CTBP2: variants seen among roughly 807,000 people sequenced by gnomAD.
CTBP2 encodes the protein C-terminal-binding protein 2.
CTBP2 carries 30 observed loss-of-function variants against 80.3 expected under a neutral mutation model. That is an observed-to-expected ratio of 0.37 (90% CI 0.28 to 0.51). CTBP2 has a LOEUF of 0.51. Among genes scored for constraint, CTBP2 ranks in the 20% least tolerant of loss-of-function variants. The pLI, the probability that CTBP2 is intolerant of heterozygous loss-of-function variation, is 0.93. For missense variants in CTBP2, 1,212 were observed against 1,375.3 expected, an observed-to-expected ratio of 0.88 and a Z score of 1.88; for synonymous variants, 594 against 587.4, an observed-to-expected ratio of 1.01 and a Z score of -0.16.
upstream of CTBP2, chr10:125,032,859 A>C (rs975129937): frequency 3.2e-5 from 5 of 155,050 alleles, no homozygotes; most frequent in Non-Finnish European, 5.9e-5. Context: ...CTGAGCCCAC[A>C]TCAAAGCCCA....
chr10:125,035,466 CA>C (rs1958755429), intron 3 of CTBP2, among the ~76,000 whole-genome samples: 1 of 152,210 alleles, frequency 6.6e-6, no homozygotes, highest in African/African-American at 2.4e-5. Context: ...ACGTCTCTAA[CA>C]CATTCGAACA....
intron 3 of CTBP2, among the ~76,000 whole-genome samples, chr10:125,033,929 G>A (rs1303700051): frequency 6.6e-6 from 1 of 152,140 alleles, no homozygotes; most frequent in Non-Finnish European, 1.5e-5. Flanking sequence ...GGTAGGGGCA[G>A]GAGCTGAAAA....
upstream of CTBP2, among the ~76,000 whole-genome samples, chr10:125,029,331 T>A (rs1190304769): frequency 6.7e-6 from 1 of 148,928 alleles, no homozygotes; most frequent in African/African-American, 2.5e-5. Flanking sequence ...AGTCTCCGCC[T>A]CCTGGGTTCA....
chr10:125,097,307 C>G (rs1424271726), intron 2 of CTBP2, among the ~76,000 whole-genome samples: 1 of 152,192 alleles, frequency 6.6e-6, no homozygotes, highest in Non-Finnish European at 1.5e-5. Context: ...AATCCAATTA[C>G]AAAATTTACT....
chr10:125,006,233 T>A (rs1440639948), intron 1 of CTBP2, among the ~76,000 whole-genome samples: 2 of 144,812 alleles, frequency 1.4e-5, no homozygotes, highest in Admixed American at 7.0e-5. Flanking sequence ...AGGTCCTTCA[T>A]GGCAAGGCGG....
chr10:125,143,325 T>TA (rs1858181357), intron 1 of CTBP2, among the ~76,000 whole-genome samples: 2 of 152,116 alleles, frequency 1.3e-5, no homozygotes, highest in Admixed American at 6.5e-5. Context: ...CTGTCTCTAC[T>TA]AAAAAATACA....
chr10:125,043,402 A>G (rs1481175593), intron 2 of CTBP2, among the ~76,000 whole-genome samples: 1 of 152,186 alleles, frequency 6.6e-6, no homozygotes, highest in Non-Finnish European at 1.5e-5. Flanking sequence ...GGATCAACTC[A>G]GTTTTATAGA....
At chr10:125,122,927 T>C (rs184031194) in intron 1 of CTBP2, 2 of 152,318 alleles carry the variant, frequency 1.3e-5, no homozygotes, top group African/African-American at 2.4e-5. Flanking sequence ...ATACAACAAC[T>C]TGAATGAATC....
intron 8 of CTBP2, 57 bp from the exon 11 acceptor site, chr10:124,989,755 T>A: frequency 6.8e-7 from 1 of 1,478,744 alleles, no homozygotes; most frequent in Non-Finnish European, 9.0e-7. Context: ...GCCAAGCTCT[T>A]GGCTCTTCTA....
At chr10:125,076,390 T>C (rs1267250806) in intron 2 of CTBP2, among the ~76,000 whole-genome samples, 2 of 152,100 alleles carry the variant, frequency 1.3e-5, no homozygotes, top group African/African-American at 2.4e-5. Flanking sequence ...CTACACACCA[T>C]GGGAGGCTCA....
chr10:125,032,089 C>A (rs1386446636), upstream of CTBP2, among the ~76,000 whole-genome samples: 1 of 151,752 alleles, frequency 6.6e-6, no homozygotes, highest in African/African-American at 2.4e-5. Context: ...TTGCACTGCC[C>A]ATTTTGAAAG....
At chr10:125,068,304 T>G (rs999637797) in intron 2 of CTBP2, among the ~76,000 whole-genome samples, 1 of 152,126 alleles carries the variant, frequency 6.6e-6, no homozygotes, top group Non-Finnish European at 1.5e-5. Flanking sequence ...AATTCAGGAG[T>G]GTGAAACTTC....
Position 125,026,644 on chromosome 10 carries a change from G to A in CTBP2, c.1116C>T (p.Phe372=), listed in dbSNP as rs746431034. 2.8e-5 allele frequency: 45 copies of A among 1,585,878 alleles called. No individual in the cohort carries two copies. The South Asian group carries it at 3.4e-4, about 12-fold the overall frequency. ...CATGGAGCAGTTCGCTTCGGTGGCT[G>A]AAGCTGCTGGACCGCGCCCGGGGCA... The change falls in exon 1 of 9, where the codon TTC becomes TTT. Residue 372 remains phenylalanine, a synonymous_variant. Transcript: ENST00000309035.
chr10:125,132,754 T>C (rs956078932), intron 1 of CTBP2, among the ~76,000 whole-genome samples: 1 of 152,242 alleles, frequency 6.6e-6, no homozygotes, highest in Non-Finnish European at 1.5e-5. Flanking sequence ...CACAGCACTT[T>C]ACCAACAAAT....
chr10:125,142,187 C>T (rs918337551), intron 1 of CTBP2, among the ~76,000 whole-genome samples: 4 of 152,164 alleles, frequency 2.6e-5, no homozygotes, highest in Admixed American at 6.5e-5. Context: ...AGACACGACT[C>T]AAGACTGCAG....
At chr10:125,033,124 T>C (rs915451839) in intron 3 of CTBP2, among the ~76,000 whole-genome samples, 2 of 152,222 alleles carry the variant, frequency 1.3e-5, no homozygotes, top group African/African-American at 4.8e-5. Flanking sequence ...GGAACCCTCC[T>C]GGCACAGACA....
At chr10:125,036,673 GTGTGT>G (rs1958917267) in intron 3 of CTBP2, among the ~76,000 whole-genome samples, 1 of 9,360 alleles carries the variant, frequency 1.1e-4, no homozygotes, top group Admixed American at 9.8e-4. Context: ...GAGGGGGTGT[GTGTGT>G]GTGTGTGTGT....
At chr10:125,069,893 C>A (rs545207936) in intron 2 of CTBP2, among the ~76,000 whole-genome samples, 9 of 131,138 alleles carry the variant, frequency 6.9e-5, no homozygotes, top group East Asian at 4.1e-4. Flanking sequence ...CCCCTCCCCC[C>A]CCCACACAAA....
chr10:125,106,833 G>A (rs77219220), intron 2 of CTBP2, among the ~76,000 whole-genome samples: 1 of 152,354 alleles, frequency 6.6e-6, no homozygotes, highest in African/African-American at 2.4e-5. Context: ...CCAGGGTGGC[G>A]CAGGAAGCGG....
Sources: gnomAD v4.1 joint callset for allele counts (sites outside exome capture counted in the v4.1 genomes callset) on GRCh38, gnomAD v4.1.1 for gene constraint, MANE v1.5 for transcripts, NCBI Gene and HGNC (gene_info 2026-07-23, HGNC 2026-07-21) for gene names.